Variants in STK24 observed in about 807,000 individuals in gnomAD.
STK24 encodes serine/threonine kinase 24, also known as serine/threonine-protein kinase 24.
In STK24, 21 loss-of-function variants were observed where a neutral mutation model predicts 55.6. The observed-to-expected ratio is 0.38, with a 90% CI of 0.27 to 0.54. The LOEUF (loss-of-function observed/expected upper bound fraction) is 0.54. STK24 is among the 20% of genes least tolerant of loss of function. STK24 has a pLI of 0.79. For missense variants in STK24, 383 were observed against 538.4 expected (o/e 0.71, Z 2.86); for synonymous variants, 200 against 215.2 (o/e 0.93, Z 0.62).
chr13:98,559,782 G>A (rs1487791968), intron 1 of STK24, among the ~76,000 whole-genome samples: 1 of 151,086 alleles, frequency 6.6e-6, no homozygotes, highest in Non-Finnish European at 1.5e-5. Flanking sequence ...TGAACAAAGA[G>A]AAAAAGCAAA....
intron 2 of STK24, among the ~76,000 whole-genome samples, chr13:98,486,595 C>A (rs189882976): frequency 1.3e-5 from 2 of 152,302 alleles, no homozygotes; most frequent in East Asian, 3.9e-4. Context: ...GGGTGTTCAG[C>A]AGCACCCCTG....
In STK24 at chr13:98,503,750, A is replaced by G. The variant is rs137915696; in HGVS notation, c.273+15493T>C. On this transcript the variant is annotated intron_variant, in intron 2 of 10. Transcript: ENST00000539966. ...AAAGATAATCTTAAAGGGTAGAAATAAGAGACAGAAAAAAGGTTAACATTG... is the reference window on the plus strand; with the variant it reads ...AAAGATAATCTTAAAGGGTAGAAATGAGAGACAGAAAAAAGGTTAACATTG... Among the ~76,000 whole-genome samples, 22 of 152,378 alleles carry G rather than the reference A, an allele frequency of 1.4e-4. No homozygotes were observed. The East Asian group carries it at 3.9e-3, about 27-fold the overall frequency.
At chr13:98,513,071 G>A (rs1227612798) in intron 2 of STK24, among the ~76,000 whole-genome samples, 1 of 152,196 alleles carries the variant, frequency 6.6e-6, no homozygotes, top group Non-Finnish European at 1.5e-5. Flanking sequence ...TGAGTTATCC[G>A]CCTTCCCAGG....
In STK24 at chr13:98,511,901, A is replaced by ATTT. The variant is rs10641055; in HGVS notation, c.273+7339_273+7341dup. ...ACATCCAAGAGTGAGTTTTACAGTA[A>ATTT]TTTTTTTTTTTTTTTTTGAGACAGA... On this transcript the variant is annotated intron_variant, in intron 2 of 10. Coordinates refer to ENST00000539966, the MANE Select transcript of STK24 (RefSeq NM_001032296.4). 1.9e-3 allele frequency among the ~76,000 whole-genome samples: 266 copies of ATTT among 141,192 alleles called. 5 individuals carry two copies. The highest frequency in any genetic ancestry group is 0.011 in the Middle Eastern group (3 of 276). 92.6% of individuals were successfully genotyped at this position (141,192 alleles called of 152,430 possible). A position where few individuals can be genotyped will look rare whatever the true frequency, so the allele number is the denominator to read the frequency against.
Position 98,445,830 on chromosome 13 carries a change from T to C in STK24, c.*7343A>G, listed in dbSNP as rs1329003996. ...CCTATTTCCAAATAAGCCTGTGTTC[T>C]AAGGTACTGGTAGTCAGGACCTCAA... is the stretch of plus-strand genomic sequence containing the variant. On this transcript the variant is annotated 3_prime_UTR_variant, in exon 11 of 11. Transcript: ENST00000539966. 1 of 384,988 alleles carries C rather than the reference T, an allele frequency of 2.6e-6. No individual in the cohort carries two copies. The highest frequency in any genetic ancestry group is 4.8e-6 in the Non-Finnish European group (1 of 209,420). The allele number at this position is 384,988 out of a possible 1,614,324, so 23.8% of individuals were successfully genotyped here.
At position 98,463,793 on chromosome 13, in the gene STK24, C is replaced by T. The variant is rs369035053; in HGVS notation, c.827G>A (p.Arg276His). 2 of 1,614,156 alleles carry T rather than the reference C, an allele frequency of 1.2e-6. No individual in the cohort carries two copies. Among genetic ancestry groups the T allele is most frequent in the Non-Finnish European group, 1.7e-6 (2 of 1,180,020 alleles). The change falls in exon 7 of 11, where the codon CGC becomes CAC. Residue 276 changes from arginine (R) to histidine (H), a missense_variant. Coordinates refer to ENST00000539966, the MANE Select transcript of STK24 (RefSeq NM_001032296.4). The part of the protein sequence containing the change: ...KELLKHKFIL[R>H]NAKKTSYLTE... ...CAAGTAGGAAGTTTTCTTTGCATTG[C>T]GTAGTATAAACTTGTGCTTCAATAA...
At chr13:98,545,570 C>A (rs1382669557) in intron 1 of STK24, among the ~76,000 whole-genome samples, 1 of 148,192 alleles carries the variant, frequency 6.7e-6, no homozygotes, top group Non-Finnish European at 1.5e-5. Context: ...GGAGGCAGAG[C>A]TTGCAGTGAG....
chr13:98,538,317 C>T (rs1264590548), intron 1 of STK24, among the ~76,000 whole-genome samples: 1 of 149,740 alleles, frequency 6.7e-6, no homozygotes, highest in Admixed American at 6.7e-5. Flanking sequence ...CTCCGCCTCC[C>T]AGGTTCAAGC....
Position 98,448,363 on chromosome 13 carries a change from G to A in STK24, c.*4810C>T, listed in dbSNP as rs764561890. The stretch of plus-strand genomic sequence containing the variant: ...CGCAGTGGCTGCTTTCCTGGAAGAC[G>A]TTTCCTTTCTTCTGTATTAATGAAG... On this transcript the variant is annotated 3_prime_UTR_variant, in exon 11 of 11. Coordinates refer to ENST00000539966, the MANE Select transcript of STK24 (RefSeq NM_001032296.4). The A allele has an allele frequency of 1.3e-5, 18 of 1,423,446 alleles. No individual in the cohort carries two copies. Among genetic ancestry groups the A allele is most frequent in the Admixed American group, 1.7e-5 (1 of 59,626 alleles). 88.2% of individuals were successfully genotyped at this position (1,423,446 alleles called of 1,614,324 possible).
chr13:98,495,247 C>G (rs1419820484), intron 2 of STK24, among the ~76,000 whole-genome samples: 1 of 152,180 alleles, frequency 6.6e-6, no homozygotes, highest in Non-Finnish European at 1.5e-5. Context: ...GGAAATAAGT[C>G]TCCTTTTATT....
rs1458890874 is a variant in STK24 at position 98,576,807 on chromosome 13, C to T, written c.-21G>A. 2 of 1,344,902 alleles carry T rather than the reference C, an allele frequency of 1.5e-6. No homozygotes were observed. The highest frequency in any genetic ancestry group is 1.9e-6 in the Non-Finnish European group (2 of 1,042,748). The allele number at this position is 1,344,902 out of a possible 1,614,324, so 83.3% of individuals were successfully genotyped here. On this transcript the variant is annotated 5_prime_UTR_variant, in exon 1 of 11. Coordinates refer to ENST00000539966, the MANE Select transcript of STK24 (RefSeq NM_001032296.4). ...GCCATGGCGCTCAGGACGGCCACTT[C>T]CTGGGACGGGACGGCCGGGCCGCGA...
chr13:98,494,367 T>C (rs1594609740), intron 2 of STK24, among the ~76,000 whole-genome samples: 1 of 127,612 alleles, frequency 7.8e-6, no homozygotes, highest in South Asian at 2.5e-4. Context: ...TGAGCCGAGA[T>C]TGCACCACTG....
At chr13:98,555,665 A>T (rs543838583) in intron 1 of STK24, among the ~76,000 whole-genome samples, 4 of 151,222 alleles carry the variant, frequency 2.6e-5, no homozygotes, top group Non-Finnish European at 5.9e-5. Context: ...CGTCCTACAC[A>T]TATCAGCCTC....
chr13:98,532,529 A>C (rs996928531), intron 1 of STK24, among the ~76,000 whole-genome samples: 4 of 151,892 alleles, frequency 2.6e-5, no homozygotes, highest in African/African-American at 9.7e-5. Context: ...CACACATCCC[A>C]TACCCATTCT....
chr13:98,543,756 G>C (rs570481875), intron 1 of STK24, among the ~76,000 whole-genome samples: 1 of 152,174 alleles, frequency 6.6e-6, no homozygotes, highest in Admixed American at 6.5e-5. Context: ...GCCGCCCCGA[G>C]GGTGAAGCCT....
chr13:98,446,523 TG>T lies in STK24; in HGVS notation c.*6649del. ...CGGGCCATCACGTACAGGCAAACAC[TG>T]GCTGCCATGGTCCCTTCCAGGCCCA... On this transcript the variant is annotated 3_prime_UTR_variant, in exon 11 of 11. Coordinates refer to ENST00000539966, the MANE Select transcript of STK24 (RefSeq NM_001032296.4). 1.2e-6 allele frequency: 1 copy of T among 813,704 alleles called. No individual in the cohort carries two copies. The highest frequency in any genetic ancestry group is 2.0e-6 in the Non-Finnish European group (1 of 506,104). The allele number at this position is 813,704 out of a possible 1,614,324, so 50.4% of individuals were successfully genotyped here.
chr13:98,572,488 C>G (rs1322434887), intron 1 of STK24, among the ~76,000 whole-genome samples: 5 of 152,234 alleles, frequency 3.3e-5, no homozygotes, highest in South Asian at 2.1e-4. Flanking sequence ...AGCACTTAAG[C>G]CACAATTAAA....
chr13:98,532,476 CCCACACACACACATCCCATACCCA>C (rs1193836443), intron 1 of STK24, among the ~76,000 whole-genome samples: 1 of 151,674 alleles, frequency 6.6e-6, no homozygotes, highest in African/African-American at 2.4e-5. Context: ...ACACACCCAT[CCCACACACACACATCCCATACCCA>C]CCACACACCC....
intron 1 of STK24, among the ~76,000 whole-genome samples, chr13:98,569,300 G>T (rs995702216): frequency 2.0e-5 from 3 of 147,422 alleles, no homozygotes; most frequent in African/African-American, 7.5e-5. Context: ...TGAGGGAGAA[G>T]AAAAAAAATT....
Sources: allele counts gnomAD v4.1 joint callset (sites outside exome capture counted in the v4.1 genomes callset), GRCh38; gene constraint gnomAD v4.1.1; transcripts MANE v1.5; gene names NCBI Gene and HGNC (gene_info 2026-07-23, HGNC 2026-07-21).